The following PDE1C variants were observed in gnomAD, a reference collection of about 807,000 sequenced individuals.
The protein encoded by PDE1C is phosphodiesterase 1C.
Under a neutral mutation model 93.1 loss-of-function variants are expected in PDE1C, and 62 were observed. The observed-to-expected ratio is 0.67, with a 90% CI of 0.54 to 0.82. The LOEUF is 0.82. PDE1C is among the 40% of genes least tolerant of loss of function. The probability of loss-of-function intolerance (pLI) is 0.00; values close to 1 mark genes in which losing one functional copy is unlikely to be tolerated. For synonymous variants in PDE1C, 325 were observed against 310.1 expected (o/e 1.05, Z -0.50); for missense variants, 742 against 884.6 (o/e 0.84, Z 2.04).
At position 32,383,184 on chromosome 7, in the gene PDE1C, A is replaced by C. The variant is rs565651958; in HGVS notation, c.310+44638T>G. On this transcript the variant is annotated intron_variant, in intron 1 of 1. Coordinates refer to the PDE1C transcript ENST00000672256. The stretch of plus-strand genomic sequence containing the variant: ...TTCTCTTATGCTTACTAAAAATCAT[A>C]AGAGACTTGCCTGTGACTGAGGTCT... 4.4e-4 allele frequency among the ~76,000 whole-genome samples: 67 copies of C among 152,342 alleles called. 1 individual carries two copies. Among genetic ancestry groups the C allele is most frequent in the Admixed American group, 2.8e-3 (43 of 15,304 alleles).
chr7:32,381,308 C>T (rs1236644955), intron 1 of PDE1C, among the ~76,000 whole-genome samples: 1 of 151,992 alleles, frequency 6.6e-6, no homozygotes, highest in Non-Finnish European at 1.5e-5. Flanking sequence ...TGAAATCCCA[C>T]CCCACCTGCG....
chr7:32,200,925 G>A (rs538006600), intron 2 of PDE1C, among the ~76,000 whole-genome samples: 1 of 152,276 alleles, frequency 6.6e-6, no homozygotes, highest in African/African-American at 2.4e-5. Context: ...TTAAGAGTCC[G>A]AGTTAGGCAG....
At chr7:31,651,130 C>T in the PDE1C span, 2 of 1,609,844 alleles carry the variant, frequency 1.2e-6, no homozygotes, top group African/African-American at 2.7e-5. Flanking sequence ...AGTTCTTTCT[C>T]ATTGTTCTCA....
chr7:31,642,125 C>A, the PDE1C span: 1 of 1,369,552 alleles, frequency 7.3e-7, no homozygotes, highest in Non-Finnish European at 1.0e-6. Context: ...CCAAGTCCTG[C>A]TGGCTGCGTG....
chr7:31,796,177 A>G (rs557837481), intron 16 of PDE1C, among the ~76,000 whole-genome samples: 2 of 150,262 alleles, frequency 1.3e-5, no homozygotes, highest in Non-Finnish European at 3.0e-5. Flanking sequence ...TAGAGGGTAT[A>G]TATTATGTAT....
At chr7:32,155,258 G>A (rs143632120) in intron 3 of PDE1C, among the ~76,000 whole-genome samples, 1 of 152,314 alleles carries the variant, frequency 6.6e-6, no homozygotes, top group East Asian at 1.9e-4. Context: ...CTGATAGTAG[G>A]ATCTTGAATA....
intron 1 of PDE1C, among the ~76,000 whole-genome samples, chr7:32,425,920 A>G (rs1390421047): frequency 1.3e-5 from 2 of 152,104 alleles, no homozygotes; most frequent in Non-Finnish European, 2.9e-5. Flanking sequence ...AGTGCTCTGG[A>G]TGACAGAGCA....
intron 9 of PDE1C, among the ~76,000 whole-genome samples, chr7:31,847,236 A>G (rs1164141113): frequency 6.6e-6 from 1 of 151,042 alleles, no homozygotes; most frequent in African/African-American, 2.4e-5. Flanking sequence ...GTTACTATCT[A>G]TTTTCAAGAA....
the PDE1C span, among the ~76,000 whole-genome samples, chr7:31,635,179 C>T: frequency 2.0e-5 from 3 of 152,198 alleles, no homozygotes; most frequent in African/African-American, 7.2e-5. Flanking sequence ...GGTGATTTCT[C>T]ATCCTTTGTC....
At chr7:32,032,725 ACCTGTGG>A (rs1291918087) in intron 2 of PDE1C, among the ~76,000 whole-genome samples, 1 of 152,032 alleles carries the variant, frequency 6.6e-6, no homozygotes, top group Non-Finnish European at 1.5e-5. Context: ...CTATGCACCA[ACCTGTGG>A]AGCCTCCCTC....
chr7:31,695,693 T>C, the PDE1C span: 1 of 1,444,962 alleles, frequency 6.9e-7, no homozygotes, highest in Non-Finnish European at 9.3e-7. Context: ...TTCGTACACA[T>C]TTTTCCTTAA....
At chr7:31,768,999 T>C (rs1449984251) in intron 17 of PDE1C, among the ~76,000 whole-genome samples, 1 of 152,124 alleles carries the variant, frequency 6.6e-6, no homozygotes, top group African/African-American at 2.4e-5. Context: ...TTTTGTCACG[T>C]TGGCTAGGCT....
At chr7:31,784,480 C>A (rs542565150) in intron 16 of PDE1C, 7 of 152,090 alleles carry the variant, frequency 4.6e-5, no homozygotes, top group African/African-American at 1.7e-4. Context: ...CTTTCCCATA[C>A]GAATTGCATG....
At chr7:31,681,751 A>T in the PDE1C span, among the ~76,000 whole-genome samples, 1 of 152,030 alleles carries the variant, frequency 6.6e-6, no homozygotes, top group Non-Finnish European at 1.5e-5. Context: ...ATGCAAGAAG[A>T]CCTCCCTTTT....
At chr7:31,720,231 G>A in the PDE1C span, among the ~76,000 whole-genome samples, 1 of 148,022 alleles carries the variant, frequency 6.8e-6, no homozygotes, top group African/African-American at 2.5e-5. Context: ...TAAAAGCAGA[G>A]GAGCAAAATT....
At chr7:32,171,038 A>G (rs929098020) in intron 2 of PDE1C, among the ~76,000 whole-genome samples, 7 of 152,118 alleles carry the variant, frequency 4.6e-5, no homozygotes, top group African/African-American at 1.2e-4. Flanking sequence ...TGCAGAAACC[A>G]CAACAAAGGT....
intron 16 of PDE1C, among the ~76,000 whole-genome samples, chr7:31,801,179 AAAT>A (rs2128690060): frequency 6.6e-6 from 1 of 151,418 alleles, no homozygotes; most frequent in African/African-American, 2.4e-5. Flanking sequence ...AAACAATAGA[AAAT>A]ATTAATGGTG....
At chr7:31,637,796 C>T in the PDE1C span, among the ~76,000 whole-genome samples, 1 of 152,188 alleles carries the variant, frequency 6.6e-6, no homozygotes, top group African/African-American at 2.4e-5. Flanking sequence ...GTGTTTTAGA[C>T]ATGAAGTCCT....
At chr7:32,390,065 TAACA>T (rs1784721522) in intron 1 of PDE1C, among the ~76,000 whole-genome samples, 6 of 152,204 alleles carry the variant, frequency 3.9e-5, no homozygotes, top group Admixed American at 1.3e-4. Context: ...ATATGTAAGT[TAACA>T]TAAAATATTC....
Sources: allele counts gnomAD v4.1 joint callset (sites outside exome capture counted in the v4.1 genomes callset), GRCh38; gene constraint gnomAD v4.1.1; transcripts MANE v1.5; gene names NCBI Gene and HGNC (gene_info 2026-07-23, HGNC 2026-07-21).